The following TMED8 variants were observed in gnomAD, a reference collection of about 807,000 sequenced individuals.
The protein encoded by TMED8 is protein TMED8.
TMED8 carries 15 observed loss-of-function variants against 32.7 expected under a neutral mutation model. The observed-to-expected ratio is 0.46, with a 90% confidence interval of 0.31 to 0.71. The LOEUF is 0.71. Among genes scored for constraint, TMED8 ranks in the 30% least tolerant of loss-of-function variants. The probability of loss-of-function intolerance (pLI) is 0.06; values close to 1 mark genes in which losing one functional copy is unlikely to be tolerated. For missense variants in TMED8, 390 were observed against 423.9 expected (o/e 0.92, Z 0.70); for synonymous variants, 147 against 161.4 (o/e 0.91, Z 0.68).
intron 1 of TMED8, among the ~76,000 whole-genome samples, chr14:77,361,771 G>C (rs1285810558): frequency 6.6e-6 from 1 of 152,092 alleles, no homozygotes; most frequent in African/African-American, 2.4e-5. Context: ...TAAGTGTCCA[G>C]ATCTTTCTGG....
chr14:77,347,136 T>C (rs1893066889), intron 2 of TMED8, among the ~76,000 whole-genome samples: 4 of 152,118 alleles, frequency 2.6e-5, no homozygotes, highest in Non-Finnish European at 5.9e-5. Flanking sequence ...TGAGTTCCAA[T>C]GTTATTCCTC....
At chr14:77,365,056 TA>T (rs1273243343) in intron 1 of TMED8, among the ~76,000 whole-genome samples, 1 of 152,218 alleles carries the variant, frequency 6.6e-6, no homozygotes, top group Non-Finnish European at 1.5e-5. Context: ...CTACTTAACC[TA>T]CCTCTTCCAC....
chr14:77,352,892 C>T (rs1024790896), intron 1 of TMED8, among the ~76,000 whole-genome samples: 2 of 152,116 alleles, frequency 1.3e-5, no homozygotes, highest in African/African-American at 4.8e-5. Context: ...AAGCTCAGAT[C>T]AATGTACCCA....
chr14:77,341,687 G>C lies in TMED8; in HGVS notation c.*84C>G. 1 of 1,373,536 alleles carries C rather than the reference G, an allele frequency of 7.3e-7. No homozygotes were observed. The highest frequency in any genetic ancestry group is 1.0e-6 in the Non-Finnish European group (1 of 972,100). 85.1% of individuals were successfully genotyped at this position (1,373,536 alleles called of 1,614,324 possible). A position where few individuals can be genotyped will look rare whatever the true frequency, so the allele number is the denominator to read the frequency against. ...CTCAGCAGCCCCCCATGAACCTTTG[G>C]CTCTTGCCTATCCCAAACAAGAGGC... On this transcript the variant is annotated 3_prime_UTR_variant, in exon 6 of 6. Transcript: ENST00000216468.
intron 1 of TMED8, among the ~76,000 whole-genome samples, chr14:77,366,070 C>G (rs1308929442): frequency 6.6e-6 from 1 of 152,170 alleles, no homozygotes; most frequent in East Asian, 1.9e-4. Context: ...TACTGAAAAT[C>G]TGGATCAAGT....
rs1158233636 is a variant in TMED8, at chr14:77,336,634, C to G, written c.*5137G>C. 2 of 151,670 alleles carry G rather than the reference C, an allele frequency of 1.3e-5. No individual in the cohort carries two copies. The highest frequency in any genetic ancestry group is 2.9e-5 in the Non-Finnish European group (2 of 67,946). The allele number at this position is 151,670 out of a possible 1,614,324, so 9.4% of individuals were successfully genotyped here. On this transcript the variant is annotated 3_prime_UTR_variant, in exon 6 of 6. Coordinates refer to ENST00000216468, the MANE Select transcript of TMED8 (RefSeq NM_213601.3). ...CGATAGGTTTGCTCTCCCCTCCCCC[C>G]ATACTCCTACCCTTTGCCCCCTAAT...
At chr14:77,373,661 A>G (rs1893748789) in intron 1 of TMED8, among the ~76,000 whole-genome samples, 1 of 152,208 alleles carries the variant, frequency 6.6e-6, no homozygotes, top group African/African-American at 2.4e-5. Context: ...AAGATACACC[A>G]AAAAACCAAA....
At position 77,336,996 on chromosome 14, in the gene TMED8, A is replaced by G. The variant is rs933556974; in HGVS notation, c.*4775T>C. 6.6e-6 allele frequency: 1 copy of G among 152,210 alleles called. No individual in the cohort carries two copies. The highest frequency in any genetic ancestry group is 2.4e-5 in the African/African-American group (1 of 41,454). 9.4% of individuals were successfully genotyped at this position (152,210 alleles called of 1,614,324 possible). A position where few individuals can be genotyped will look rare whatever the true frequency, so the allele number is the denominator to read the frequency against. ...ACCTAATTCTACTGCTTAATATAAG[A>G]CAGCGTTCAGATTTCACTCTTCCAT... On this transcript the variant is annotated 3_prime_UTR_variant, in exon 6 of 6. Coordinates refer to ENST00000216468, the MANE Select transcript of TMED8 (RefSeq NM_213601.3).
chr14:77,343,350 A>T lies in TMED8; in HGVS notation c.588T>A (p.Pro196=). Residue 196 remains proline (P), a synonymous_variant, in exon 5 of 6, where the codon CCT becomes CCA. Coordinates refer to ENST00000216468, the MANE Select transcript of TMED8 (RefSeq NM_213601.3). ...KRGEVVTIRV[P]THPEGKRVCW... is the part of the protein sequence containing the mutation. ...AGACACGCTTCCCCTCTGGATGAGT[A>T]GGTACCCGGATGGTCACCACCTCAC... 1 of 1,614,160 alleles carries T rather than the reference A, an allele frequency of 6.2e-7. No homozygotes were observed. Among genetic ancestry groups the T allele is most frequent in the Non-Finnish European group, 8.5e-7 (1 of 1,180,020 alleles).
chr14:77,370,323 C>T (rs537488009), intron 1 of TMED8, among the ~76,000 whole-genome samples: 1 of 152,096 alleles, frequency 6.6e-6, no homozygotes, highest in South Asian at 2.1e-4. Flanking sequence ...AGAAATGAAA[C>T]TAGCACAAAA....
intron 1 of TMED8, among the ~76,000 whole-genome samples, chr14:77,372,909 TATATATATA>T (rs1566696209): frequency 0.043 from 341 of 8,012 alleles, 10 homozygotes; most frequent in Middle Eastern, 0.071. Context: ...ACAGATATTA[TATATATATA>T]TATATATATA....
At chr14:77,354,762 C>A (rs1358954183) in intron 1 of TMED8, among the ~76,000 whole-genome samples, 1 of 151,956 alleles carries the variant, frequency 6.6e-6, no homozygotes, top group East Asian at 1.9e-4. Flanking sequence ...AAGACCAGCC[C>A]GGCCAACACG....
At position 77,335,923 on chromosome 14, in the gene TMED8, AGACG is replaced by A. The variant is rs1211096117; in HGVS notation, c.*5844_*5847del. On this transcript the variant is annotated 3_prime_UTR_variant, in exon 6 of 6. Transcript: ENST00000216468. ...TAAAATGTACTGTTTAGGATATGAG[AGACG>A]GAATTAAGATAATGTTTTCCAGATG... is the stretch of plus-strand genomic sequence containing the variant. The A allele has an allele frequency of 6.6e-6, 1 of 152,204 alleles. No individual in the cohort carries two copies. The highest frequency in any genetic ancestry group is 1.5e-5 in the Non-Finnish European group (1 of 68,038). 9.4% of individuals were successfully genotyped at this position (152,204 alleles called of 1,614,324 possible). A position where few individuals can be genotyped will look rare whatever the true frequency, so the allele number is the denominator to read the frequency against.
chr14:77,351,089 C>A (rs1893164165), intron 2 of TMED8, among the ~76,000 whole-genome samples: 2 of 152,140 alleles, frequency 1.3e-5, no homozygotes, highest in Non-Finnish European at 2.9e-5. Context: ...AAAGTTGTGC[C>A]GTTTCCATTT....
In TMED8 at chr14:77,341,920, T is replaced by C. The variant is rs751435359; in HGVS notation, c.829A>G (p.Met277Val). The C allele has an allele frequency of 6.2e-7, 1 of 1,613,812 alleles. No homozygotes were observed. Among genetic ancestry groups the C allele is most frequent in the Non-Finnish European group, 8.5e-7 (1 of 1,180,008 alleles). ...SSLRGRYGEV[M>V]PVYRRDSHRD... Reference sequence around the variant, plus strand: ...TGGCTGTCCCGCCGGTACACAGGCATGACCTCCCCATAGCGACCCCGCAAG... The same window carrying C: ...TGGCTGTCCCGCCGGTACACAGGCACGACCTCCCCATAGCGACCCCGCAAG... The change falls in exon 6 of 6, where the codon ATG (methionine) becomes GTG (valine). Residue 277 changes from methionine (M) to valine (V), a missense_variant. Coordinates refer to ENST00000216468, the MANE Select transcript of TMED8 (RefSeq NM_213601.3).
chr14:77,342,026 T>C, intron 5 of TMED8, 38 bp from the exon 6 acceptor site: 1 of 1,594,286 alleles, frequency 6.3e-7, no homozygotes, highest in Non-Finnish European at 8.6e-7. Context: ...AGAGACTGCG[T>C]AAGTCCTGCC....
At chr14:77,343,607 C>A in intron 4 of TMED8, 90 bp downstream of exon 4, 1 of 1,585,930 alleles carries the variant, frequency 6.3e-7, no homozygotes, top group South Asian at 1.2e-5. Context: ...TTTCACAAGT[C>A]ATTTTCTTTC....
chr14:77,372,934 ATATATATATATATATATATTTTT>A lies in TMED8; in HGVS notation c.118+3979_118+4001del, dbSNP rs1185268610. On this transcript the variant is annotated intron_variant, in intron 1 of 5. Coordinates refer to ENST00000216468, the MANE Select transcript of TMED8 (RefSeq NM_213601.3). The stretch of plus-strand genomic sequence containing the variant: ...TATATATATATATATATATATATAT[ATATATATATATATATATATTTTT>A]TTTTTTTTTTTTTTTTTTTTTTTTT... Among the ~76,000 whole-genome samples, 192 of 30,408 alleles carry A rather than the reference ATATATATATATATATATATTTTT, an allele frequency of 6.3e-3. 5 individuals carry two copies. Among genetic ancestry groups the A allele is most frequent in the African/African-American group, 0.04 (181 of 4,532 alleles). The allele number at this position is 30,408 out of a possible 152,430, so 19.9% of individuals were successfully genotyped here.
intron 2 of TMED8, among the ~76,000 whole-genome samples, chr14:77,351,116 C>T (rs1893164826): frequency 6.6e-6 from 1 of 152,080 alleles, no homozygotes; most frequent in Non-Finnish European, 1.5e-5. Flanking sequence ...GACACATAAG[C>T]ATAAGAAGTA....
Sources: gnomAD v4.1 joint callset for allele counts (sites outside exome capture counted in the v4.1 genomes callset) on GRCh38, gnomAD v4.1.1 for gene constraint, MANE v1.5 for transcripts, NCBI Gene and HGNC (gene_info 2026-07-23, HGNC 2026-07-21) for gene names.